Variants in RAB27B observed in about 807,000 individuals in gnomAD.
RAB27B encodes ras-related protein Rab-27B.
RAB27B carries 15 observed loss-of-function variants against 24.6 expected under a neutral mutation model. That is an observed-to-expected ratio of 0.61 (90% CI 0.41 to 0.94). The LOEUF is 0.94. Ranked by LOEUF, RAB27B falls within the 40% of genes least tolerant of loss-of-function variation. The pLI is 0.00. For missense variants in RAB27B, 261 were observed against 266.8 expected, an observed-to-expected ratio of 0.98 and a Z score of 0.15; for synonymous variants, 105 against 92.5, an observed-to-expected ratio of 1.14 and a Z score of -0.78.
Position 54,890,327 on chromosome 18 carries a change from A to G in RAB27B, c.*914A>G, listed in dbSNP as rs1371571463. 6.6e-6 allele frequency: 1 copy of G among 152,136 alleles called. No homozygotes were observed. Among genetic ancestry groups the G allele is most frequent in the Non-Finnish European group, 1.5e-5 (1 of 68,004 alleles). The allele number at this position is 152,136 out of a possible 1,614,324, so 9.4% of individuals were successfully genotyped here. A position where few individuals can be genotyped will look rare whatever the true frequency, so the allele number is the denominator to read the frequency against. On this transcript the variant is annotated 3_prime_UTR_variant, in exon 6 of 6. Transcript: ENST00000262094. ...TTCACATTTCATTTTTTCTTAGCAC[A>G]TGTTGATAAAATAGTCACAAGGAGA... is the stretch of plus-strand genomic sequence containing the variant.
chr18:54,792,407 G>C (rs952182362), intron 2 of RAB27B, among the ~76,000 whole-genome samples: 1 of 152,110 alleles, frequency 6.6e-6, no homozygotes, highest in African/African-American at 2.4e-5. Flanking sequence ...AAAAAAATCA[G>C]ACTCATAAGC....
chr18:54,801,579 G>A (rs1223520505), intron 2 of RAB27B, among the ~76,000 whole-genome samples: 1 of 152,086 alleles, frequency 6.6e-6, no homozygotes, highest in African/African-American at 2.4e-5. Context: ...ATCAGGTTCA[G>A]GCATGTTGAC....
At position 54,877,585 on chromosome 18, in the gene RAB27B, T is replaced by C. The variant is rs1467816908; in HGVS notation, c.-1T>C. On this transcript the variant is annotated 5_prime_UTR_variant, in exon 2 of 6. Transcript: ENST00000262094. Reference sequence around the variant, plus strand: ...TATACAGACCGACCAAGACCATCACTATGACCGATGGAGACTATGATTATC... The same window carrying C: ...TATACAGACCGACCAAGACCATCACCATGACCGATGGAGACTATGATTATC... 3 of 1,543,644 alleles carry C rather than the reference T, an allele frequency of 1.9e-6. No homozygotes were observed. Among genetic ancestry groups the C allele is most frequent in the Non-Finnish European group, 2.6e-6 (3 of 1,156,004 alleles).
chr18:54,838,763 A>T (rs1397186166), intron 1 of RAB27B, among the ~76,000 whole-genome samples: 1 of 152,166 alleles, frequency 6.6e-6, no homozygotes, highest in Non-Finnish European at 1.5e-5. Context: ...TATTCCAGGC[A>T]AGATTTCTGA....
intron 2 of RAB27B, among the ~76,000 whole-genome samples, chr18:54,768,092 G>T (rs73476620): frequency 1.8e-3 from 271 of 152,216 alleles, no homozygotes; most frequent in African/African-American, 6.4e-3. Flanking sequence ...AGGAAGATGT[G>T]GGGGGAGTGG....
At chr18:54,831,320 G>A (rs1009354408) in intron 1 of RAB27B, among the ~76,000 whole-genome samples, 6 of 152,098 alleles carry the variant, frequency 3.9e-5, no homozygotes, top group African/African-American at 1.4e-4. Context: ...TTCAGGAACA[G>A]CAAAGAAGCC....
chr18:54,825,450 C>A (rs985145366), upstream of RAB27B, among the ~76,000 whole-genome samples: 3 of 149,724 alleles, frequency 2.0e-5, no homozygotes, highest in Non-Finnish European at 4.4e-5. Flanking sequence ...TTTTCTAGAG[C>A]TTTCTGAGAT....
chr18:54,764,375 G>A (rs573129817), intron 2 of RAB27B, among the ~76,000 whole-genome samples: 2 of 152,248 alleles, frequency 1.3e-5, no homozygotes, highest in Admixed American at 6.5e-5. Context: ...ATGCAATATT[G>A]TAAATATTGT....
chr18:54,888,599 G>A (rs1181231024), intron 5 of RAB27B, among the ~76,000 whole-genome samples: 1 of 151,716 alleles, frequency 6.6e-6, no homozygotes. Flanking sequence ...TATCCCAGCT[G>A]AGCTTGAATG....
rs76171117 is a variant in RAB27B at position 54,719,524 on chromosome 18, C to T, written c.-20+1383C>T. Among the ~76,000 whole-genome samples the T allele has an allele frequency of 6.9e-3, 1,053 of 151,814 alleles. 10 individuals carry two copies. Among genetic ancestry groups the T allele is most frequent in the African/African-American group, 0.023 (942 of 41,438 alleles). ...CTGTAGCAAATGAAAATAAATATAT[C>T]GAAAACATGTTTATATTGCTATATA... On this transcript the variant is annotated intron_variant, in intron 2 of 4. Transcript: ENST00000586570.
At chr18:54,738,382 A>G (rs1033896293) in intron 2 of RAB27B, among the ~76,000 whole-genome samples, 9 of 152,122 alleles carry the variant, frequency 5.9e-5, no homozygotes, top group Admixed American at 1.3e-4. Flanking sequence ...TGACTGGATC[A>G]TGGGGGTGGT....
At chr18:54,756,862 G>A (rs1908021004) in intron 2 of RAB27B, among the ~76,000 whole-genome samples, 1 of 152,102 alleles carries the variant, frequency 6.6e-6, no homozygotes, top group Non-Finnish European at 1.5e-5. Flanking sequence ...GTACTCATCA[G>A]GTTCTTCCTT....
At chr18:54,737,780 A>G (rs1172879283) in intron 2 of RAB27B, among the ~76,000 whole-genome samples, 3 of 152,208 alleles carry the variant, frequency 2.0e-5, no homozygotes, top group Non-Finnish European at 4.4e-5. Flanking sequence ...ATGTGACCAT[A>G]TCTAAATTAT....
In RAB27B at chr18:54,774,078, G is replaced by A. The variant is rs926939764; in HGVS notation, c.-20+55937G>A. Reference sequence around the variant, plus strand: ...TTGTCTTCAAATAATAACCAGAGACGCCTTCAAGAAACTATGCAACTGAAT... The same window carrying A: ...TTGTCTTCAAATAATAACCAGAGACACCTTCAAGAAACTATGCAACTGAAT... On this transcript the variant is annotated intron_variant, in intron 2 of 4. Transcript: ENST00000586570. Among the ~76,000 whole-genome samples, 99 of 152,008 alleles carry A rather than the reference G, an allele frequency of 6.5e-4. 2 individuals are homozygous for A. The highest frequency in any genetic ancestry group is 4.4e-5 in the Non-Finnish European group (3 of 68,000).
chr18:54,744,365 A>G (rs1459112868), intron 2 of RAB27B, among the ~76,000 whole-genome samples: 1 of 152,206 alleles, frequency 6.6e-6, no homozygotes, highest in Non-Finnish European at 1.5e-5. Flanking sequence ...CTATACTGAT[A>G]TTCTAGCATT....
At chr18:54,766,295 A>C (rs73960609) in intron 2 of RAB27B, among the ~76,000 whole-genome samples, 8,482 of 152,280 alleles carry the variant, frequency 0.056, 304 homozygotes, top group Admixed American at 0.085. Flanking sequence ...ATGAAAGGAC[A>C]GTCATGGCCC....
In RAB27B at chr18:54,794,533, C is replaced by G. The variant is rs144923152; in HGVS notation, c.-20+76392C>G. 1.5e-3 allele frequency among the ~76,000 whole-genome samples: 227 copies of G among 152,288 alleles called. 1 individual carries two copies. The highest frequency in any genetic ancestry group is 4.9e-3 in the African/African-American group (204 of 41,552). ...TCAGTTTTACATGTAGGATGATTCT[C>G]TGTCTGAGGATATTAAAATGGTTTT... On this transcript the variant is annotated intron_variant, in intron 2 of 4. Coordinates refer to the RAB27B transcript ENST00000586570.
intron 2 of RAB27B, among the ~76,000 whole-genome samples, chr18:54,724,172 A>G (rs1909454857): frequency 6.6e-6 from 1 of 151,726 alleles, no homozygotes; most frequent in African/African-American, 2.4e-5. Context: ...CTCACAAAAT[A>G]TTAATGAAGC....
chr18:54,808,097 A>C (rs1214157933), intron 2 of RAB27B, among the ~76,000 whole-genome samples: 1 of 152,200 alleles, frequency 6.6e-6, no homozygotes, highest in African/African-American at 2.4e-5. Context: ...CTAGTTACAT[A>C]TTATATAATT....
Sources: allele counts gnomAD v4.1 joint callset (sites outside exome capture counted in the v4.1 genomes callset), GRCh38; gene constraint gnomAD v4.1.1; transcripts MANE v1.5; gene names NCBI Gene and HGNC (gene_info 2026-07-23, HGNC 2026-07-21).